PCDHGA8: variants seen among roughly 807,000 people sequenced by gnomAD.
The protein encoded by PCDHGA8 is protocadherin gamma-A8.
In PCDHGA8, 45 loss-of-function variants were observed where a neutral mutation model predicts 59.2. The observed-to-expected ratio is 0.76, with a 90% CI of 0.60 to 0.98. The LOEUF is 0.98. Ranked by LOEUF, PCDHGA8 falls within the 50% of genes least tolerant of loss-of-function variation. PCDHGA8 has a pLI of 0.00. For synonymous variants in PCDHGA8, 531 were observed against 519.0 expected, an observed-to-expected ratio of 1.02 and a Z score of -0.32; for missense variants, 1,257 against 1,196.2, an observed-to-expected ratio of 1.05 and a Z score of -0.75.
chr5:141,429,204 A>ACACACACG, intron 1 of PCDHGA8: 1 of 150,162 alleles, frequency 6.7e-6, no homozygotes, highest in Non-Finnish European at 1.5e-5. Context: ...ACACACACAC[A>ACACACACG]CGTGTGAAAA....
intron 1 of PCDHGA8, chr5:141,400,533 C>A (rs1416453682): frequency 6.2e-7 from 1 of 1,613,900 alleles, no homozygotes; most frequent in Non-Finnish European, 8.5e-7. Context: ...TGGTGAGTTT[C>A]ATTTATGTCT....
intron 1 of PCDHGA8, among the ~76,000 whole-genome samples, chr5:141,435,500 A>G (rs896915416): frequency 6.6e-6 from 1 of 152,176 alleles, no homozygotes; most frequent in African/African-American, 2.4e-5. Context: ...TCCTACACTA[A>G]TGATACTAAT....
At chr5:141,419,104 C>T (rs756257411) in intron 1 of PCDHGA8, 75 of 1,613,732 alleles carry the variant, frequency 4.6e-5, no homozygotes, top group Non-Finnish European at 5.9e-5. Context: ...GGGAGCAGAC[C>T]CCAGAGTACA....
intron 2 of PCDHGA8, among the ~76,000 whole-genome samples, chr5:141,503,598 C>CAAAAAAA (rs765754054): frequency 1.5e-5 from 1 of 65,730 alleles, no homozygotes; most frequent in Non-Finnish European, 3.4e-5. Flanking sequence ...GACTCCAGCT[C>CAAAAAAA]AAAAAAAAAA....
intron 1 of PCDHGA8, chr5:141,421,632 G>A (rs2096589368): frequency 6.2e-7 from 1 of 1,613,846 alleles, no homozygotes; most frequent in South Asian, 1.1e-5. Context: ...CCAGCTTCCA[G>A]GAGGACGAAG....
intron 1 of PCDHGA8, chr5:141,418,610 C>T: frequency 6.2e-7 from 1 of 1,614,054 alleles, no homozygotes; most frequent in Non-Finnish European, 8.5e-7. Context: ...CAGGGTTAGC[C>T]TTCGGGAAGA....
In PCDHGA8 at chr5:141,404,896, C is replaced by T. The variant is rs182502698; in HGVS notation, c.2424+9659C>T. ...AGAGCCTTGTGGTGGCTGTACAGGA[C>T]CATGGCCAGCCCCCTCTCTCGGCCA... On this transcript the variant is annotated intron_variant, in intron 1 of 3. Transcript: ENST00000398604. The T allele has an allele frequency of 3.7e-5, 59 of 1,613,884 alleles. No homozygotes were observed. The Admixed American group carries it at 8.3e-4, about 23-fold the overall frequency.
intron 2 of PCDHGA8, among the ~76,000 whole-genome samples, chr5:141,504,078 CCAAA>C (rs1272625151): frequency 6.6e-6 from 1 of 152,078 alleles, no homozygotes; most frequent in South Asian, 2.1e-4. Context: ...CCAGATGGTG[CCAAA>C]CAGTTACCTA....
At chr5:141,429,196 A>ACACACT in intron 1 of PCDHGA8, 1 of 151,994 alleles carries the variant, frequency 6.6e-6, no homozygotes, top group Non-Finnish European at 1.5e-5. Context: ...ACACACACAC[A>ACACACT]CACACACACG....
intron 1 of PCDHGA8, among the ~76,000 whole-genome samples, chr5:141,401,154 C>A (rs753624238): frequency 6.6e-5 from 10 of 152,086 alleles, no homozygotes; most frequent in Non-Finnish European, 1.5e-4. Context: ...CCAGCCTGGG[C>A]AATATGGTGA....
chr5:141,441,937 C>T, intron 1 of PCDHGA8: 1 of 344,792 alleles, frequency 2.9e-6, no homozygotes, highest in Non-Finnish European at 5.6e-6. Context: ...GCTGTCCTAC[C>T]ACGTGCTGCA....
intron 1 of PCDHGA8, chr5:141,400,274 G>C: frequency 6.2e-7 from 1 of 1,614,032 alleles, no homozygotes; most frequent in Non-Finnish European, 8.5e-7. Flanking sequence ...CGCTCCTCCA[G>C]CCCTGCCGCC....
intron 1 of PCDHGA8, among the ~76,000 whole-genome samples, chr5:141,472,980 C>CAAAAAAAAAAAAAAAAAGAAAAAA (rs2099309731): frequency 2.3e-5 from 2 of 86,106 alleles, no homozygotes; most frequent in Non-Finnish European, 5.0e-5. Flanking sequence ...GAGTGAAACT[C>CAAAAAAAAAAAAAAAAAGAAAAAA]AAAAAAAAAA....
At chr5:141,505,151 G>T (rs2099844154) in intron 2 of PCDHGA8, among the ~76,000 whole-genome samples, 1 of 152,164 alleles carries the variant, frequency 6.6e-6, no homozygotes, top group Non-Finnish European at 1.5e-5. Context: ...GACAGAGTAA[G>T]ACCCTGTCTA....
chr5:141,399,610 C>T, intron 1 of PCDHGA8: 1 of 1,613,946 alleles, frequency 6.2e-7, no homozygotes, highest in Non-Finnish European at 8.5e-7. Flanking sequence ...CCTAGAGCCT[C>T]TGGCACTGGC....
chr5:141,417,633 G>C, intron 1 of PCDHGA8: 1 of 712,146 alleles, frequency 1.4e-6, no homozygotes, highest in South Asian at 2.3e-5. Flanking sequence ...CGCTGACGCC[G>C]GGGATCCCTC....
chr5:141,399,360 C>T, intron 1 of PCDHGA8: 1 of 1,613,978 alleles, frequency 6.2e-7, no homozygotes, highest in Non-Finnish European at 8.5e-7. Context: ...GAGAGCAAAC[C>T]CCGGAGTACA....
intron 1 of PCDHGA8, chr5:141,478,778 C>A: frequency 6.7e-7 from 1 of 1,488,178 alleles, no homozygotes; most frequent in Non-Finnish European, 8.9e-7. Flanking sequence ...ATCTGTGGAC[C>A]TAATTCACAT....
At position 141,491,466 on chromosome 5, in the gene PCDHGA8, T is replaced by C; in HGVS notation, c.2425-3341T>C. The C allele has an allele frequency of 6.2e-7, 1 of 1,614,068 alleles. No homozygotes were observed. The highest frequency in any genetic ancestry group is 8.5e-7 in the Non-Finnish European group (1 of 1,179,986). ...AGGACTCACCCTCCCCGGACTTCTA[T>C]AAGCAGTCCAGCCCCAACCTGCAGG... On this transcript the variant is annotated intron_variant, in intron 1 of 3. Transcript: ENST00000398604. The surrounding 1 kb of genome is among the most constrained non-coding windows in gnomAD (Gnocchi z 6.9).
Sources: allele counts gnomAD v4.1 joint callset (sites outside exome capture counted in the v4.1 genomes callset), GRCh38; gene constraint gnomAD v4.1.1; non-coding constraint Gnocchi (gnomAD v3.1); transcripts MANE v1.5; gene names NCBI Gene and HGNC (gene_info 2026-07-23, HGNC 2026-07-21).